TMEM163: variants seen among roughly 807,000 people sequenced by gnomAD.
TMEM163 encodes transmembrane protein 163.
In TMEM163, 17 loss-of-function variants were observed where a neutral mutation model predicts 29.3. The observed-to-expected ratio is 0.58, with a 90% confidence interval of 0.40 to 0.87. The LOEUF (loss-of-function observed/expected upper bound fraction) is 0.87, where lower values mean the gene tolerates loss of function less well. Among genes scored for constraint, TMEM163 ranks in the 40% least tolerant of loss-of-function variants. The pLI, the probability that TMEM163 is intolerant of heterozygous loss-of-function variation, is 0.00. For synonymous variants in TMEM163, 157 were observed against 160.6 expected, an observed-to-expected ratio of 0.98 and a Z score of 0.17; for missense variants, 303 against 381.5, an observed-to-expected ratio of 0.79 and a Z score of 1.71.
In TMEM163 at chr2:134,578,625, C is replaced by CACT. The variant is rs755229760; in HGVS notation, c.323-26535_323-26534insAGT. Among the ~76,000 whole-genome samples, 7 of 152,106 alleles carry CACT rather than the reference C, an allele frequency of 4.6e-5. No individual in the cohort carries two copies. The South Asian group carries it at 1.5e-3, about 32-fold the overall frequency. On this transcript the variant is annotated intron_variant, in intron 2 of 7. Coordinates refer to ENST00000281924, the MANE Select transcript of TMEM163 (RefSeq NM_030923.5). ...TAGTGTGAAAAATACTATGCACAAC[C>CACT]AAAGTAATACTAACAAGCAGCTGTG...
At chr2:134,471,527 T>A (rs35105170) in intron 5 of TMEM163, among the ~76,000 whole-genome samples, 5,444 of 152,274 alleles carry the variant, frequency 0.036, 160 homozygotes, top group South Asian at 0.13. Context: ...ACTGTGAAGA[T>A]GAAATTCCTG....
At chr2:134,686,421 C>A (rs913275950) in intron 2 of TMEM163, among the ~76,000 whole-genome samples, 2 of 152,104 alleles carry the variant, frequency 1.3e-5, no homozygotes, top group Non-Finnish European at 2.9e-5. Flanking sequence ...AGGGGCAGAA[C>A]CCCAGTCAAA....
Position 134,614,471 on chromosome 2 carries a change from T to C in TMEM163, c.323-62380A>G, listed in dbSNP as rs1300742379. ...TATTTTCACAACATAAGTGAAAATA[T>C]TAAGGATCTACAGTGAGGCCAAGAA... is the stretch of plus-strand genomic sequence containing the variant. On this transcript the variant is annotated intron_variant, in intron 2 of 7. Transcript: ENST00000281924. Among the ~76,000 whole-genome samples, 3 of 152,172 alleles carry C rather than the reference T, an allele frequency of 2.0e-5. No homozygotes were observed. The South Asian group carries it at 6.2e-4, about 32-fold the overall frequency.
intron 6 of TMEM163, among the ~76,000 whole-genome samples, chr2:134,464,002 C>T (rs1459138809): frequency 1.3e-5 from 2 of 152,190 alleles, no homozygotes; most frequent in East Asian, 1.9e-4. Context: ...GAAAGCTGCA[C>T]AGGAAAGAGG....
chr2:134,668,945 A>G (rs1259107800), intron 2 of TMEM163, among the ~76,000 whole-genome samples: 2 of 152,058 alleles, frequency 1.3e-5, no homozygotes, highest in African/African-American at 4.8e-5. Flanking sequence ...TCACACCGAG[A>G]GACTCACTGG....
chr2:134,613,393 G>A (rs1255126053), intron 2 of TMEM163, among the ~76,000 whole-genome samples: 1 of 152,118 alleles, frequency 6.6e-6, no homozygotes, highest in East Asian at 1.9e-4. Context: ...AATTCATCTA[G>A]AAATCCAAGG....
chr2:134,693,349 G>A (rs1684510024), intron 2 of TMEM163, among the ~76,000 whole-genome samples: 1 of 152,174 alleles, frequency 6.6e-6, no homozygotes, highest in Non-Finnish European at 1.5e-5. Context: ...GCTCATGCCT[G>A]TAATCCCAGC....
intron 2 of TMEM163, among the ~76,000 whole-genome samples, chr2:134,632,716 A>G (rs576598976): frequency 8.7e-5 from 13 of 150,014 alleles, no homozygotes; most frequent in Admixed American, 2.0e-4. Context: ...TCATGTCTTT[A>G]TCACTCCCCA....
chr2:134,459,041 C>A (rs191025608), intron 6 of TMEM163: 1 of 152,260 alleles, frequency 6.6e-6, no homozygotes, highest in Non-Finnish European at 1.5e-5. Flanking sequence ...AGGGTCTCCC[C>A]GCGAAGGACA....
intron 2 of TMEM163, among the ~76,000 whole-genome samples, chr2:134,622,287 C>T (rs1335689628): frequency 4.6e-5 from 7 of 152,172 alleles, no homozygotes; most frequent in African/African-American, 1.7e-4. Flanking sequence ...ATAAATTATA[C>T]TTTAAAAAAT....
rs1378646326 is a variant in TMEM163, at chr2:134,655,524, G to A, written c.322+57676C>T. 9.1e-4 allele frequency among the ~76,000 whole-genome samples: 125 copies of A among 137,678 alleles called. 9 individuals carry two copies. Among genetic ancestry groups the A allele is most frequent in the African/African-American group, 3.5e-3 (113 of 31,994 alleles). 90.3% of individuals were successfully genotyped at this position (137,678 alleles called of 152,430 possible). ...TCCCGTAGCTCAGAGTAATTTGATC[G>A]TCTGAAGCCTTCTTCTCTCAGCTTG... On this transcript the variant is annotated intron_variant, in intron 2 of 7. Transcript: ENST00000281924.
intron 2 of TMEM163, among the ~76,000 whole-genome samples, chr2:134,623,723 C>T (rs1289261557): frequency 6.6e-6 from 1 of 152,058 alleles, no homozygotes; most frequent in African/African-American, 2.4e-5. Flanking sequence ...GCCGAGATAG[C>T]GCCATTGCAC....
At chr2:134,521,379 G>C (rs1680186609) in intron 4 of TMEM163, among the ~76,000 whole-genome samples, 1 of 152,094 alleles carries the variant, frequency 6.6e-6, no homozygotes, top group Admixed American at 6.6e-5. Context: ...AGAGAACAAG[G>C]GGTCATTTAG....
At chr2:134,473,488 T>G (rs1156944714) in intron 5 of TMEM163, among the ~76,000 whole-genome samples, 2 of 146,506 alleles carry the variant, frequency 1.4e-5, no homozygotes, top group African/African-American at 2.6e-5. Context: ...TGACCCAAGA[T>G]CACACCATTG....
At chr2:134,526,224 G>GT (rs1680297498) in intron 4 of TMEM163, among the ~76,000 whole-genome samples, 1 of 152,198 alleles carries the variant, frequency 6.6e-6, no homozygotes, top group Non-Finnish European at 1.5e-5. Context: ...AAGAAAAGGA[G>GT]TTTTTCCTTC....
intron 2 of TMEM163, among the ~76,000 whole-genome samples, chr2:134,619,128 C>A (rs937456879): frequency 6.6e-6 from 1 of 152,086 alleles, no homozygotes; most frequent in Admixed American, 6.5e-5. Context: ...AAAAATTTAT[C>A]CATAAAGAAA....
intron 2 of TMEM163, among the ~76,000 whole-genome samples, chr2:134,564,499 TG>T (rs1179827701): frequency 1.3e-5 from 2 of 152,182 alleles, no homozygotes. Flanking sequence ...TAGACATAAA[TG>T]CATTCATCAT....
chr2:134,529,669 C>A (rs1476955278), intron 4 of TMEM163, among the ~76,000 whole-genome samples: 1 of 151,860 alleles, frequency 6.6e-6, no homozygotes, highest in African/African-American at 2.4e-5. Flanking sequence ...AAGAGAATCA[C>A]TTGAACCCAG....
Position 134,503,574 on chromosome 2 carries a change from C to T in TMEM163, c.459-577G>A, listed in dbSNP as rs1472071924. Among the ~76,000 whole-genome samples, 11 of 152,270 alleles carry T rather than the reference C, an allele frequency of 7.2e-5. No individual in the cohort carries two copies. In the South Asian group the frequency reaches 8.3e-4, roughly 11 times the overall value. On this transcript the variant is annotated intron_variant, in intron 4 of 7. Transcript: ENST00000281924. The stretch of plus-strand genomic sequence containing the variant: ...TCTACTCTGTCACTTTTGGATATGA[C>T]GTTGATAGACCCCTTTGCATTTTCC...
Sources: gnomAD v4.1 joint callset for allele counts (sites outside exome capture counted in the v4.1 genomes callset) on GRCh38, gnomAD v4.1.1 for gene constraint, MANE v1.5 for transcripts, NCBI Gene and HGNC (gene_info 2026-07-23, HGNC 2026-07-21) for gene names.